SEPTIN7: variants seen among roughly 807,000 people sequenced by gnomAD.
The protein encoded by SEPTIN7 is septin-7.
Under a neutral mutation model 63.3 loss-of-function variants are expected in SEPTIN7, and 10 were observed. That is an observed-to-expected ratio of 0.16 (90% CI 0.10 to 0.27). SEPTIN7 has a LOEUF of 0.27. Ranked by LOEUF, SEPTIN7 falls within the 10% of genes least tolerant of loss-of-function variation. The pLI is 1.00. For synonymous variants in SEPTIN7, 131 were observed against 165.3 expected (o/e 0.79, Z 1.59); for missense variants, 310 against 521.0 (o/e 0.59, Z 3.94).
chr7:35,892,279 A>G (rs1292516223), intron 11 of SEPTIN7, among the ~76,000 whole-genome samples: 1 of 152,178 alleles, frequency 6.6e-6, no homozygotes, highest in Non-Finnish European at 1.5e-5. Flanking sequence ...TTAAATATTT[A>G]AAATACAAGA....
chr7:35,905,201 A>T lies in SEPTIN7; in HGVS notation c.*908A>T, dbSNP rs530364227. The T allele has an allele frequency of 2.6e-5, 4 of 152,652 alleles. No homozygotes were observed. Among genetic ancestry groups the T allele is most frequent in the Non-Finnish European group, 4.4e-5 (3 of 68,036 alleles). 9.5% of individuals were successfully genotyped at this position (152,652 alleles called of 1,614,324 possible). On this transcript the variant is annotated 3_prime_UTR_variant, in exon 14 of 14. Coordinates refer to ENST00000350320, the MANE Select transcript of SEPTIN7 (RefSeq NM_001788.6). ...AGAAATGGGAATCATGGCCTCTTGA[A>T]GAGAAAAAAGTCACCATTCTGCATT... is the stretch of plus-strand genomic sequence containing the variant.
chr7:35,851,709 T>C (rs909884989), intron 3 of SEPTIN7, among the ~76,000 whole-genome samples: 4 of 152,168 alleles, frequency 2.6e-5, no homozygotes, highest in African/African-American at 7.2e-5. Context: ...TCCTTCCCTT[T>C]AGTAAAGCCA....
rs1788064997 is a variant in SEPTIN7, at chr7:35,802,581, A to G, written c.61+1311A>G. ...ACTAAGCATCTAACCTGTTTTACAT[A>G]TTTATGCACATGCAGGTGATGAGTA... On this transcript the variant is annotated intron_variant, in intron 1 of 13. Coordinates refer to ENST00000350320, the MANE Select transcript of SEPTIN7 (RefSeq NM_001788.6). 2.0e-5 allele frequency among the ~76,000 whole-genome samples: 3 copies of G among 152,258 alleles called. No homozygotes were observed. The South Asian group carries it at 6.2e-4, about 32-fold the overall frequency.
At chr7:35,808,803 T>C (rs1788519390) in intron 1 of SEPTIN7, among the ~76,000 whole-genome samples, 1 of 152,226 alleles carries the variant, frequency 6.6e-6, no homozygotes, top group South Asian at 2.1e-4. Flanking sequence ...GGATAGATCA[T>C]GATATGGGAT....
intron 3 of SEPTIN7, among the ~76,000 whole-genome samples, chr7:35,859,429 T>C (rs1785384211): frequency 6.6e-6 from 1 of 152,232 alleles, no homozygotes; most frequent in African/African-American, 2.4e-5. Context: ...TCCTGAAAAA[T>C]GTTTTACATG....
chr7:35,915,300 C>A, the SEPTIN7 span, among the ~76,000 whole-genome samples: 1 of 152,112 alleles, frequency 6.6e-6, no homozygotes, highest in South Asian at 2.1e-4. Context: ...TTCACCCATG[C>A]ACCTGCTCAT....
Position 35,834,179 on chromosome 7 carries a change from A to G in SEPTIN7, c.169+1279A>G, listed in dbSNP as rs1179987029. ...TCTTACCTTTACATATGTAATATTA[A>G]TAATCTCAAGTGACAAACTGTAGAC... is the stretch of plus-strand genomic sequence containing the variant. On this transcript the variant is annotated intron_variant, in intron 3 of 13. Coordinates refer to ENST00000350320, the MANE Select transcript of SEPTIN7 (RefSeq NM_001788.6). Among the ~76,000 whole-genome samples the G allele has an allele frequency of 3.3e-5, 5 of 152,118 alleles. No homozygotes were observed. In the South Asian group the frequency reaches 6.2e-4, roughly 19 times the overall value.
At chr7:35,891,095 C>G (rs940492406) in intron 11 of SEPTIN7, among the ~76,000 whole-genome samples, 5 of 152,052 alleles carry the variant, frequency 3.3e-5, no homozygotes, top group Non-Finnish European at 5.9e-5. Context: ...AGTAAATTAG[C>G]TGGAGTTTCG....
intron 11 of SEPTIN7, among the ~76,000 whole-genome samples, chr7:35,895,119 G>C (rs1028936421): frequency 2.6e-5 from 4 of 151,978 alleles, no homozygotes; most frequent in East Asian, 1.9e-4. Context: ...TATGGGGGTG[G>C]GTAAGAGTTT....
At chr7:35,812,029 A>T in intron 1 of SEPTIN7, 1 of 223,970 alleles carries the variant, frequency 4.5e-6, no homozygotes, top group Non-Finnish European at 9.5e-6. Flanking sequence ...CAGGAGGCTG[A>T]GGCAGGAGAA....
At position 35,904,203 on chromosome 7, in the gene SEPTIN7, C is replaced by T. The variant is rs1416128977; in HGVS notation, c.1275-51C>T. The T allele has an allele frequency of 5.9e-5, 81 of 1,366,556 alleles. No homozygotes were observed. In the East Asian group the frequency reaches 2.1e-3, roughly 35 times the overall value. The allele number at this position is 1,366,556 out of a possible 1,614,324, so 84.7% of individuals were successfully genotyped here. ...TAGCTGTTGTTATCATGTTGTCTAT[C>T]ATGTTTATAAAATGGTTACTCATCT... On this transcript the variant is annotated intron_variant, in intron 13 of 13. Coordinates refer to ENST00000350320, the MANE Select transcript of SEPTIN7 (RefSeq NM_001788.6).
intron 1 of SEPTIN7, among the ~76,000 whole-genome samples, chr7:35,830,732 T>G (rs921624728): frequency 9.2e-5 from 14 of 152,366 alleles, no homozygotes; most frequent in African/African-American, 3.4e-4. Flanking sequence ...CTCATAGATT[T>G]GTATCAGTAT....
At position 35,804,666 on chromosome 7, in the gene SEPTIN7, C is replaced by A. The variant is rs543214932; in HGVS notation, c.61+3396C>A. On this transcript the variant is annotated intron_variant, in intron 1 of 13. Transcript: ENST00000350320. The stretch of plus-strand genomic sequence containing the variant: ...CTACAGTTAGGCGTTGTTAACAATA[C>A]GGTACATTGAGAAATCATAGAGTAT... Among the ~76,000 whole-genome samples, 19 of 152,190 alleles carry A rather than the reference C, an allele frequency of 1.2e-4. No individual in the cohort carries two copies. The South Asian group carries it at 2.5e-3, about 20-fold the overall frequency.
At chr7:35,855,105 TTA>T (rs1220184500) in intron 3 of SEPTIN7, among the ~76,000 whole-genome samples, 1 of 152,210 alleles carries the variant, frequency 6.6e-6, no homozygotes. Flanking sequence ...TTTTATACTT[TTA>T]TATACACCAG....
At position 35,904,829 on chromosome 7, in the gene SEPTIN7, T is replaced by G. The variant is rs1438370311; in HGVS notation, c.*536T>G. The G allele has an allele frequency of 6.6e-6, 1 of 152,294 alleles. No individual in the cohort carries two copies. Among genetic ancestry groups the G allele is most frequent in the Non-Finnish European group, 1.5e-5 (1 of 67,960 alleles). 9.4% of individuals were successfully genotyped at this position (152,294 alleles called of 1,614,324 possible). The stretch of plus-strand genomic sequence containing the variant: ...GGAAAAAAAAAAAACCCTATATGCT[T>G]ACTGTGCACCTAGAGCTTTTTTATA... On this transcript the variant is annotated 3_prime_UTR_variant, in exon 14 of 14. Coordinates refer to ENST00000350320, the MANE Select transcript of SEPTIN7 (RefSeq NM_001788.6).
intron 6 of SEPTIN7, among the ~76,000 whole-genome samples, chr7:35,875,823 T>G (rs1311699470): frequency 6.6e-6 from 1 of 152,186 alleles, no homozygotes; most frequent in Non-Finnish European, 1.5e-5. Flanking sequence ...GCCCTGTGGT[T>G]GTTCATTATG....
chr7:35,829,469 C>T (rs898931453), intron 1 of SEPTIN7, among the ~76,000 whole-genome samples: 8 of 152,068 alleles, frequency 5.3e-5, no homozygotes, highest in South Asian at 2.1e-4. Flanking sequence ...AATGGTTTCC[C>T]GCTTTCCACA....
intron 13 of SEPTIN7, among the ~76,000 whole-genome samples, chr7:35,903,538 A>G (rs1016545242): frequency 6.6e-5 from 10 of 152,114 alleles, no homozygotes; most frequent in African/African-American, 2.2e-4. Context: ...GGTTGTTTTC[A>G]ATTTTTGGCA....
chr7:35,850,928 T>A (rs1562548250), intron 3 of SEPTIN7, among the ~76,000 whole-genome samples: 1 of 152,132 alleles, frequency 6.6e-6, no homozygotes, highest in Non-Finnish European at 1.5e-5. Context: ...AGATGCTGAG[T>A]AAAACAAAGA....
Sources: allele counts gnomAD v4.1 joint callset (sites outside exome capture counted in the v4.1 genomes callset), GRCh38; gene constraint gnomAD v4.1.1; transcripts MANE v1.5; gene names NCBI Gene and HGNC (gene_info 2026-07-23, HGNC 2026-07-21).